Variants in TFDP2 observed in about 807,000 individuals in gnomAD.
The protein encoded by TFDP2 is transcription factor Dp-2, also known as transcription factor Dp-2 (E2F dimerization partner 2).
TFDP2 carries 17 observed loss-of-function variants against 59.3 expected under a neutral mutation model. That is an observed-to-expected ratio of 0.29 (90% CI 0.20 to 0.43). TFDP2 has a LOEUF of 0.43. Ranked by LOEUF, TFDP2 falls within the 20% of genes least tolerant of loss-of-function variation. TFDP2 has a pLI of 1.00. For missense variants in TFDP2, 391 were observed against 528.8 expected, an observed-to-expected ratio of 0.74 and a Z score of 2.56; for synonymous variants, 180 against 194.7, an observed-to-expected ratio of 0.92 and a Z score of 0.63.
intron 1 of TFDP2, among the ~76,000 whole-genome samples, chr3:142,116,093 C>T (rs996473982): frequency 6.0e-5 from 9 of 149,924 alleles, no homozygotes; most frequent in African/African-American, 1.2e-4. Context: ...GAGACAGGGT[C>T]TTGCTCTGTC....
chr3:141,976,875 A>G (rs1487150398), intron 7 of TFDP2, among the ~76,000 whole-genome samples: 6 of 151,864 alleles, frequency 4.0e-5, no homozygotes, highest in Non-Finnish European at 7.4e-5. Context: ...CAAAAAAAAA[A>G]GGGAAATAGT....
Position 142,098,223 on chromosome 3 carries a change from T to C in TFDP2, c.15+3512A>G, listed in dbSNP as rs1326531546. ...TCTGTATTTTCTAATTTTTCCATAA[T>C]GAGTATTACAGCCTACATGTTTTTC... On this transcript the variant is annotated intron_variant, in intron 2 of 12. Coordinates refer to ENST00000489671, the MANE Select transcript of TFDP2 (RefSeq NM_001178139.2). Among the ~76,000 whole-genome samples the C allele has an allele frequency of 2.0e-5, 3 of 150,798 alleles. No homozygotes were observed. In the East Asian group the frequency reaches 5.8e-4, roughly 29 times the overall value.
chr3:142,042,188 T>C (rs189723034), intron 3 of TFDP2, among the ~76,000 whole-genome samples: 146 of 152,344 alleles, frequency 9.6e-4, no homozygotes, highest in African/African-American at 3.5e-3. Context: ...AAGGTGGTCT[T>C]ATATTTGTCA....
chr3:142,088,613 CTT>C (rs112767886), intron 3 of TFDP2, among the ~76,000 whole-genome samples: 67 of 123,950 alleles, frequency 5.4e-4, no homozygotes, highest in African/African-American at 5.2e-4. Flanking sequence ...TTTTTTTTTT[CTT>C]TTTTTTTTTT....
chr3:142,011,012 C>T, intron 3 of TFDP2, among the ~76,000 whole-genome samples: 1 of 95,692 alleles, frequency 1.0e-5, no homozygotes, highest in Non-Finnish European at 2.1e-5. Flanking sequence ...CTGGTTCAAC[C>T]ATTGTGGAAG....
intron 11 of TFDP2, 67 bp downstream of exon 11, chr3:141,959,607 A>G: frequency 1.9e-6 from 3 of 1,553,860 alleles, no homozygotes; most frequent in Non-Finnish European, 2.6e-6. Context: ...TTCTATAAGA[A>G]AGGTTTTAAC....
Position 142,056,103 on chromosome 3 carries a change from G to A in TFDP2, c.82+36958C>T, listed in dbSNP as rs565396421. On this transcript the variant is annotated intron_variant, in intron 3 of 12. Transcript: ENST00000489671. ...TGAGTAGCTGGGATTACAGGTACGC[G>A]CCACCACATCCGGCTAATTTTTGTA... Among the ~76,000 whole-genome samples, 14 of 151,420 alleles carry A rather than the reference G, an allele frequency of 9.2e-5. No homozygotes were observed. The South Asian group carries it at 2.3e-3, about 25-fold the overall frequency.
intron 3 of TFDP2, among the ~76,000 whole-genome samples, chr3:142,007,308 C>T (rs564588960): frequency 7.3e-5 from 11 of 151,138 alleles, no homozygotes; most frequent in African/African-American, 2.4e-4. Context: ...CTTCTCCTTC[C>T]TGTTCTCACT....
intron 3 of TFDP2, among the ~76,000 whole-genome samples, chr3:142,036,455 C>A (rs1258998288): frequency 6.6e-6 from 1 of 152,190 alleles, no homozygotes; most frequent in Non-Finnish European, 1.5e-5. Context: ...GCATTTATTA[C>A]AACATTTATC....
chr3:142,014,827 A>T (rs1945005218), intron 3 of TFDP2, among the ~76,000 whole-genome samples: 1 of 152,040 alleles, frequency 6.6e-6, no homozygotes, highest in Non-Finnish European at 1.5e-5. Context: ...CAAAAAACCA[A>T]CTTTTCTTGA....
chr3:142,101,630 T>C lies in TFDP2; in HGVS notation c.15+105A>G, dbSNP rs558138651. The C allele has an allele frequency of 3.4e-5, 23 of 676,088 alleles. 1 individual carries two copies. In the South Asian group the frequency reaches 6.9e-4, roughly 20 times the overall value. The allele number at this position is 676,088 out of a possible 1,614,324, so 41.9% of individuals were successfully genotyped here. A position where few individuals can be genotyped will look rare whatever the true frequency, so the allele number is the denominator to read the frequency against. ...ATAAACAAATACAATTATAAATCCA[T>C]GCAAGTAAATTAAATCTGGTTAACC... is the stretch of plus-strand genomic sequence containing the variant. On this transcript the variant is annotated intron_variant, in intron 2 of 12. Transcript: ENST00000489671.
intron 8 of TFDP2, among the ~76,000 whole-genome samples, chr3:141,973,176 A>G (rs1940103259): frequency 6.8e-6 from 1 of 146,570 alleles, no homozygotes. Flanking sequence ...CTGGAGTGCA[A>G]TGGCACCATC....
At chr3:142,039,479 T>C (rs1219646969) in intron 3 of TFDP2, among the ~76,000 whole-genome samples, 1 of 152,052 alleles carries the variant, frequency 6.6e-6, no homozygotes, top group East Asian at 1.9e-4. Context: ...CTCGACCTCC[T>C]GGGTTCAAGT....
Position 142,083,528 on chromosome 3 carries a change from T to C in TFDP2, c.82+9533A>G, listed in dbSNP as rs144701077. Among the ~76,000 whole-genome samples, 732 of 152,060 alleles carry C rather than the reference T, an allele frequency of 4.8e-3. 5 individuals carry two copies. The highest frequency in any genetic ancestry group is 5.4e-3 in the Non-Finnish European group (370 of 67,926). On this transcript the variant is annotated intron_variant, in intron 3 of 12. Coordinates refer to ENST00000489671, the MANE Select transcript of TFDP2 (RefSeq NM_001178139.2). The stretch of plus-strand genomic sequence containing the variant: ...TCCTAAAATTTATATAGAGCCACAA[T>C]AGACCCAGAATAGCCAAAGCTATCC...
At chr3:142,107,690 A>T (rs992419801) in intron 1 of TFDP2, among the ~76,000 whole-genome samples, 4 of 152,172 alleles carry the variant, frequency 2.6e-5, no homozygotes, top group Non-Finnish European at 5.9e-5. Context: ...AAGACAAAAC[A>T]GTTTTAGAGA....
intron 5 of TFDP2, chr3:141,994,769 G>T (rs897993456): frequency 3.3e-6 from 1 of 303,076 alleles, no homozygotes; most frequent in Non-Finnish European, 6.0e-6. Context: ...AATAAAAGTA[G>T]TCCTATTCCA....
rs750432367 is a variant in TFDP2 at position 142,068,003 on chromosome 3, TAAAAAAA to T, written c.82+25051_82+25057del. ...TGAGTGACAGAGTAAGACTCTAGCT[TAAAAAAA>T]AAAAAAAAAAAGACTGTAACTATAA... is the stretch of plus-strand genomic sequence containing the variant. On this transcript the variant is annotated intron_variant, in intron 3 of 12. Coordinates refer to ENST00000489671, the MANE Select transcript of TFDP2 (RefSeq NM_001178139.2). 6.0e-5 allele frequency among the ~76,000 whole-genome samples: 7 copies of T among 115,886 alleles called. No individual in the cohort carries two copies. The East Asian group carries it at 1.7e-3, about 29-fold the overall frequency. The allele number at this position is 115,886 out of a possible 152,430, so 76.0% of individuals were successfully genotyped here.
At chr3:142,063,875 G>T (rs1284223324) in intron 3 of TFDP2, among the ~76,000 whole-genome samples, 1 of 152,022 alleles carries the variant, frequency 6.6e-6, no homozygotes, top group African/African-American at 2.4e-5. Context: ...ACCTTAGGCA[G>T]GAAAATCAGG....
chr3:142,091,717 G>A (rs142506128), intron 3 of TFDP2, among the ~76,000 whole-genome samples: 111 of 152,300 alleles, frequency 7.3e-4, no homozygotes, highest in African/African-American at 2.6e-3. Context: ...GGTGGAGAGA[G>A]ATGGATGGTT....
Sources: allele counts gnomAD v4.1 joint callset (sites outside exome capture counted in the v4.1 genomes callset), GRCh38; gene constraint gnomAD v4.1.1; transcripts MANE v1.5; gene names NCBI Gene and HGNC (gene_info 2026-07-23, HGNC 2026-07-21).